Variants in VTI1A observed in about 807,000 individuals in gnomAD.
The protein encoded by VTI1A is vesicle transport through interaction with t-SNAREs homolog 1A.
A neutral mutation model predicts 34.9 loss-of-function variants in VTI1A; 22 were observed. That is an observed-to-expected ratio of 0.63 (90% confidence interval 0.45 to 0.90). The LOEUF (loss-of-function observed/expected upper bound fraction) is 0.90, where lower values mean the gene tolerates loss of function less well. VTI1A is among the 40% of genes least tolerant of loss of function. The probability of loss-of-function intolerance (pLI) is 0.00; values close to 1 mark genes in which losing one functional copy is unlikely to be tolerated. For missense variants in VTI1A, 268 were observed against 275.6 expected, an observed-to-expected ratio of 0.97 and a Z score of 0.20; for synonymous variants, 87 against 97.3, an observed-to-expected ratio of 0.89 and a Z score of 0.62.
intron 5 of VTI1A, among the ~76,000 whole-genome samples, chr10:112,647,736 A>G (rs1846856844): frequency 6.6e-6 from 1 of 152,206 alleles, no homozygotes; most frequent in Non-Finnish European, 1.5e-5. Context: ...AAATAATTAT[A>G]CTTTGTCTCT....
chr10:112,646,277 T>C, intron 5 of VTI1A, among the ~76,000 whole-genome samples: 1 of 152,128 alleles, frequency 6.6e-6, no homozygotes, highest in East Asian at 1.9e-4. Context: ...AAAATAAAAC[T>C]AGGAAGCATT....
At chr10:112,527,688 C>T (rs576309825) in intron 4 of VTI1A, among the ~76,000 whole-genome samples, 18 of 149,138 alleles carry the variant, frequency 1.2e-4, no homozygotes, top group South Asian at 8.4e-4. Flanking sequence ...AGAGGAACTG[C>T]TTCTGTCAAA....
chr10:112,450,249 C>T (rs1372548024), intron 1 of VTI1A: 2 of 152,112 alleles, frequency 1.3e-5, no homozygotes, highest in Admixed American at 6.5e-5. Flanking sequence ...TGTGCTTGCC[C>T]CTTTTTAAAT....
At chr10:112,821,342 C>T (rs1439256399), downstream of VTI1A, among the ~76,000 whole-genome samples, 1 of 152,156 alleles carries the variant, frequency 6.6e-6, no homozygotes, top group Non-Finnish European at 1.5e-5. Flanking sequence ...CCCACTTCCC[C>T]GGCCTCCCCC....
At chr10:112,682,008 A>G (rs933850645) in intron 7 of VTI1A, among the ~76,000 whole-genome samples, 1 of 152,144 alleles carries the variant, frequency 6.6e-6, no homozygotes, top group African/African-American at 2.4e-5. Context: ...AAAAGCATTC[A>G]TTTTCTATTC....
At chr10:112,728,043 G>A (rs1850104781) in intron 7 of VTI1A, among the ~76,000 whole-genome samples, 1 of 152,140 alleles carries the variant, frequency 6.6e-6, no homozygotes, top group Non-Finnish European at 1.5e-5. Flanking sequence ...CTGTGACACA[G>A]CAGGCTGCTG....
At chr10:112,538,369 C>T (rs778844845) in intron 5 of VTI1A, 39 bp downstream of exon 5, 3 of 1,569,270 alleles carry the variant, frequency 1.9e-6, no homozygotes, top group Non-Finnish European at 2.6e-6. Context: ...CTTGCTTATG[C>T]ACAGCAGTCT....
Position 112,576,269 on chromosome 10 carries a change from C to G in VTI1A, c.427+37939C>G, listed in dbSNP as rs181840387. On this transcript the variant is annotated intron_variant, in intron 5 of 7. Transcript: ENST00000393077. The stretch of plus-strand genomic sequence containing the variant: ...TCTCCTGACCTCGTGATCCGCCCCG[C>G]TCGGCCTCCCAAAGTGCTGGGATTA... Among the ~76,000 whole-genome samples, 15 of 151,714 alleles carry G rather than the reference C, an allele frequency of 9.9e-5. No individual in the cohort carries two copies. In the East Asian group the frequency reaches 2.8e-3, roughly 28 times the overall value.
intron 3 of VTI1A, among the ~76,000 whole-genome samples, chr10:112,519,593 C>G (rs1434759689): frequency 6.6e-6 from 1 of 152,046 alleles, no homozygotes; most frequent in African/African-American, 2.4e-5. Flanking sequence ...GTTCATCCAA[C>G]CATGGCTTTG....
chr10:112,790,034 A>G (rs942343050), intron 7 of VTI1A, among the ~76,000 whole-genome samples: 5 of 151,962 alleles, frequency 3.3e-5, no homozygotes, highest in African/African-American at 1.2e-4. Flanking sequence ...TAGCAACACA[A>G]GAGTCTAGTA....
intron 7 of VTI1A, among the ~76,000 whole-genome samples, chr10:112,713,876 T>G (rs1338889531): frequency 6.6e-6 from 1 of 152,016 alleles, no homozygotes; most frequent in Non-Finnish European, 1.5e-5. Flanking sequence ...TAAGCCAAGG[T>G]TGGTATAGGA....
At chr10:112,844,281 C>A in the VTI1A span, among the ~76,000 whole-genome samples, 1 of 152,202 alleles carries the variant, frequency 6.6e-6, no homozygotes, top group Non-Finnish European at 1.5e-5. Flanking sequence ...CTTTTCCCAT[C>A]CCCTGTCTTC....
At chr10:112,582,245 C>T (rs890787151) in intron 5 of VTI1A, among the ~76,000 whole-genome samples, 3 of 152,146 alleles carry the variant, frequency 2.0e-5, no homozygotes, top group African/African-American at 7.2e-5. Context: ...TATGCGGGCA[C>T]TAATCCATCA....
chr10:112,662,271 C>A (rs967070125), intron 5 of VTI1A, among the ~76,000 whole-genome samples: 5 of 152,062 alleles, frequency 3.3e-5, no homozygotes, highest in African/African-American at 1.2e-4. Flanking sequence ...CTAATAATCT[C>A]TTTTTCTGGG....
At chr10:112,821,287 C>G (rs1853649246), downstream of VTI1A, among the ~76,000 whole-genome samples, 1 of 152,128 alleles carries the variant, frequency 6.6e-6, no homozygotes, top group South Asian at 2.1e-4. Flanking sequence ...AGGGCTTTTC[C>G]TGGGGGCAGG....
At chr10:112,843,766 T>C in the VTI1A span, among the ~76,000 whole-genome samples, 1 of 152,144 alleles carries the variant, frequency 6.6e-6, no homozygotes, top group African/African-American at 2.4e-5. Flanking sequence ...AAGGTCATCA[T>C]GTGGTCAGCT....
intron 5 of VTI1A, among the ~76,000 whole-genome samples, chr10:112,576,875 T>C (rs1843730378): frequency 6.6e-6 from 1 of 152,142 alleles, no homozygotes; most frequent in Non-Finnish European, 1.5e-5. Context: ...CACACAAAAC[T>C]GAAATAAATA....
In VTI1A at chr10:112,795,431, C is replaced by CTTTTTTTTTTTTTT. The variant is rs35159993; in HGVS notation, c.561-19853_561-19840dup. 4.0e-4 allele frequency among the ~76,000 whole-genome samples: 49 copies of CTTTTTTTTTTTTTT among 123,986 alleles called. 1 individual carries two copies. Among genetic ancestry groups the CTTTTTTTTTTTTTT allele is most frequent in the African/African-American group, 8.9e-4 (29 of 32,666 alleles). 81.3% of individuals were successfully genotyped at this position (123,986 alleles called of 152,430 possible). A position where few individuals can be genotyped will look rare whatever the true frequency, so the allele number is the denominator to read the frequency against. On this transcript the variant is annotated intron_variant, in intron 7 of 7. Coordinates refer to ENST00000393077, the MANE Select transcript of VTI1A (RefSeq NM_145206.4). The stretch of plus-strand genomic sequence containing the variant: ...TTTCTCCTACACATTCCCTATTACT[C>CTTTTTTTTTTTTTT]TTTTTTTTTTTTTTTTTTTCTGAGA...
chr10:112,796,227 T>G (rs1852668924), intron 7 of VTI1A, among the ~76,000 whole-genome samples: 2 of 151,866 alleles, frequency 1.3e-5, no homozygotes, highest in African/African-American at 4.8e-5. Flanking sequence ...GATGAAACCC[T>G]GTCTCTACTA....
Sources: allele counts gnomAD v4.1 joint callset (sites outside exome capture counted in the v4.1 genomes callset), GRCh38; gene constraint gnomAD v4.1.1; transcripts MANE v1.5; gene names NCBI Gene and HGNC (gene_info 2026-07-23, HGNC 2026-07-21).